Variants in ANAPC5 observed in about 807,000 individuals in gnomAD.
ANAPC5 encodes the protein anaphase promoting complex subunit 5.
A neutral mutation model predicts 91.3 loss-of-function variants in ANAPC5; 60 were observed. The ratio of observed to expected loss-of-function variants is 0.66; its 90% CI spans 0.53 to 0.81. The LOEUF (loss-of-function observed/expected upper bound fraction) is 0.81, where lower values mean the gene tolerates loss of function less well. Ranked by LOEUF, ANAPC5 falls within the 40% of genes least tolerant of loss-of-function variation. The pLI, the probability that ANAPC5 is intolerant of heterozygous loss-of-function variation, is 0.00. For missense variants in ANAPC5, 690 were observed against 931.5 expected, an observed-to-expected ratio of 0.74 and a Z score of 3.37; for synonymous variants, 340 against 364.1, an observed-to-expected ratio of 0.93 and a Z score of 0.75.
chr12:121,322,258 A>G (rs1056156035), intron 11 of ANAPC5, among the ~76,000 whole-genome samples: 3 of 151,420 alleles, frequency 2.0e-5, no homozygotes, highest in African/African-American at 7.3e-5. Context: ...TCCCAGGTTC[A>G]AGCAATTCTC....
chr12:121,352,374 C>A lies in ANAPC5; in HGVS notation c.-34G>T. 1.3e-5 allele frequency: 20 copies of A among 1,557,086 alleles called. No individual in the cohort carries two copies. The highest frequency in any genetic ancestry group is 1.5e-5 in the Non-Finnish European group (17 of 1,143,692). ...GAGACTAAGTCTCGGGCCCGCGGCG[C>A]GCTGCCGCCAGTTGTCACCACAAGG... On this transcript the variant is annotated 5_prime_UTR_variant, in exon 1 of 17. Transcript: ENST00000261819.
chr12:121,317,938 G>A (rs1262708894), intron 15 of ANAPC5: 1 of 186,454 alleles, frequency 5.4e-6, no homozygotes, highest in African/African-American at 2.3e-5. Flanking sequence ...ATGAACATCT[G>A]TGTTCCTCAT....
Position 121,308,300 on chromosome 12 carries a change from G to A in ANAPC5, c.*180C>T, listed in dbSNP as rs1277641023. 3 of 585,402 alleles carry A rather than the reference G, an allele frequency of 5.1e-6. No individual in the cohort carries two copies. Among genetic ancestry groups the A allele is most frequent in the Non-Finnish European group, 9.0e-6 (3 of 334,190 alleles). 36.3% of individuals were successfully genotyped at this position (585,402 alleles called of 1,614,324 possible). On this transcript the variant is annotated 3_prime_UTR_variant, in exon 17 of 17. Coordinates refer to ENST00000261819, the MANE Select transcript of ANAPC5 (RefSeq NM_016237.5). ...AAGTTGGTGTCCTTTGCTACCAAAA[G>A]GGAAGAAAAGGGGAATAAAACAAAT...
chr12:121,339,868 G>A (rs1354015850), intron 5 of ANAPC5, among the ~76,000 whole-genome samples: 3 of 104,542 alleles, frequency 2.9e-5, no homozygotes, highest in African/African-American at 3.7e-5. Flanking sequence ...TTTTCTTCCA[G>A]TTTTTTTTTT....
intron 15 of ANAPC5, among the ~76,000 whole-genome samples, chr12:121,311,430 C>T (rs1295254363): frequency 6.6e-6 from 1 of 152,170 alleles, no homozygotes; most frequent in East Asian, 1.9e-4. Flanking sequence ...ATTATATACT[C>T]ATGAAACAGT....
intron 11 of ANAPC5, among the ~76,000 whole-genome samples, chr12:121,325,953 T>C (rs1902799023): frequency 6.6e-6 from 1 of 151,922 alleles, no homozygotes; most frequent in South Asian, 2.1e-4. Context: ...GGAAGAGAAG[T>C]GATGTTAAGG....
chr12:121,351,198 C>A, intron 1 of ANAPC5: 1 of 381,758 alleles, frequency 2.6e-6, no homozygotes, highest in Non-Finnish European at 5.2e-6. Context: ...TGGCAAAATC[C>A]CGTCTCTACA....
At chr12:121,308,864 T>C (rs898491416) in intron 16 of ANAPC5, among the ~76,000 whole-genome samples, 173 bp from the exon 17 acceptor site, 6 of 152,148 alleles carry the variant, frequency 3.9e-5, no homozygotes, top group African/African-American at 1.4e-4. Context: ...AAAAGGTCTT[T>C]AAGACTGGGC....
intron 7 of ANAPC5, chr12:121,332,379 C>T (rs376590849): frequency 2.2e-4 from 34 of 152,296 alleles, no homozygotes; most frequent in African/African-American, 7.9e-4. Context: ...TGCTACCTTT[C>T]TATTTAACCA....
chr12:121,328,172 T>G, intron 10 of ANAPC5, 144 bp downstream of exon 10: 1 of 738,046 alleles, frequency 1.4e-6, no homozygotes, highest in South Asian at 2.0e-5. Context: ...ACAAAATGTT[T>G]TATAGTCTAA....
At chr12:121,344,344 C>T (rs1555274415) in intron 4 of ANAPC5, among the ~76,000 whole-genome samples, 2 of 152,112 alleles carry the variant, frequency 1.3e-5, no homozygotes, top group East Asian at 3.8e-4. Context: ...TTTGGGAGGC[C>T]AAGGCGGGTG....
intron 15 of ANAPC5, among the ~76,000 whole-genome samples, chr12:121,312,475 G>C (rs1432253126): frequency 6.6e-6 from 1 of 151,866 alleles, no homozygotes; most frequent in Non-Finnish European, 1.5e-5. Flanking sequence ...GGGAGGCCGA[G>C]GCAGGCAGAT....
intron 4 of ANAPC5, among the ~76,000 whole-genome samples, chr12:121,344,597 A>G (rs1168211697): frequency 1.3e-5 from 2 of 151,464 alleles, no homozygotes; most frequent in Non-Finnish European, 2.9e-5. Flanking sequence ...AAAAAAAAAA[A>G]GAAAGAAAAA....
At chr12:121,334,009 C>T (rs1308362646) in intron 7 of ANAPC5, 1 of 152,184 alleles carries the variant, frequency 6.6e-6, no homozygotes, top group Non-Finnish European at 1.5e-5. Context: ...GGCCCAGTGG[C>T]TCATGCTTGT....
At chr12:121,332,999 A>G (rs1310771980) in intron 7 of ANAPC5, 13 of 152,142 alleles carry the variant, frequency 8.5e-5, no homozygotes, top group African/African-American at 2.7e-4. Flanking sequence ...TTAAAAATAA[A>G]AAGAAGAAAT....
Position 121,319,792 on chromosome 12 carries a change from T to C in ANAPC5, c.1542A>G (p.Ile514Met), listed in dbSNP as rs1902522705. 6 of 1,609,766 alleles carry C rather than the reference T, an allele frequency of 3.7e-6. No homozygotes were observed. In the South Asian group the frequency reaches 5.6e-5, roughly 15 times the overall value. The change falls in exon 13 of 17, where the codon ATA becomes ATG. Residue 514 changes from isoleucine to methionine, a missense_variant. Around this residue, in one of 5 missense-constraint regions of ANAPC5, gnomAD observed 317 missense variants for 438.7 expected, o/e 0.72. Coordinates refer to ENST00000261819, the MANE Select transcript of ANAPC5 (RefSeq NM_016237.5). The stretch of plus-strand genomic sequence containing the variant: ...CATCATTCATTGCTCTGTCAAACTG[T>C]ATTTTTTGATCACATAGCATCCATA... ...AQLWMLCDQK[I>M]QFDRAMNDGK... is the part of the protein sequence containing the mutation.
At chr12:121,328,725 C>A (rs1246233049) in intron 9 of ANAPC5, 7 of 443,568 alleles carry the variant, frequency 1.6e-5, no homozygotes, top group Non-Finnish European at 2.9e-5. Flanking sequence ...GCCAGCAGGG[C>A]TTTAGCATTA....
chr12:121,310,919 G>A lies in ANAPC5; in HGVS notation c.1894-1056C>T, dbSNP rs980420969. Among the ~76,000 whole-genome samples, 115 of 134,054 alleles carry A rather than the reference G, an allele frequency of 8.6e-4. 1 individual carries two copies. Among genetic ancestry groups the A allele is most frequent in the Middle Eastern group, 4.1e-3 (1 of 242 alleles). 87.9% of individuals were successfully genotyped at this position (134,054 alleles called of 152,430 possible). A position where few individuals can be genotyped will look rare whatever the true frequency, so the allele number is the denominator to read the frequency against. The stretch of plus-strand genomic sequence containing the variant: ...ACTGCACTCCAGCCTGGGTGACAGA[G>A]TGAGACTCCATCTCAAAAAAAAAAA... On this transcript the variant is annotated intron_variant, in intron 15 of 16. Coordinates refer to ENST00000261819, the MANE Select transcript of ANAPC5 (RefSeq NM_016237.5).
chr12:121,320,121 A>T lies in ANAPC5; in HGVS notation c.1515+264T>A, dbSNP rs759197702. 1.2e-4 allele frequency among the ~76,000 whole-genome samples: 19 copies of T among 152,250 alleles called. No homozygotes were observed. The East Asian group carries it at 3.1e-3, about 25-fold the overall frequency. On this transcript the variant is annotated intron_variant, in intron 12 of 16. Coordinates refer to ENST00000261819, the MANE Select transcript of ANAPC5 (RefSeq NM_016237.5). ...TTCTACGTCTCTTTCTCTTTTTTCA[A>T]AGTAGGCACTCAATTTGGTATTTAT...
Sources: allele counts gnomAD v4.1 joint callset (sites outside exome capture counted in the v4.1 genomes callset), GRCh38; gene constraint gnomAD v4.1.1; regional missense constraint gnomAD v4.1.1; transcripts MANE v1.5; gene names NCBI Gene and HGNC (gene_info 2026-07-23, HGNC 2026-07-21).